MYO9B: variants seen among roughly 807,000 people sequenced by gnomAD.
MYO9B encodes the protein myosin IXB.
Under a neutral mutation model 229.5 loss-of-function variants are expected in MYO9B, and 71 were observed. That is an observed-to-expected ratio of 0.31 (90% confidence interval 0.26 to 0.38). The LOEUF is 0.38. MYO9B is among the 10% of genes least tolerant of loss of function. The pLI, the probability that MYO9B is intolerant of heterozygous loss-of-function variation, is 1.00. For synonymous variants in MYO9B, 1,185 were observed against 1,235.8 expected (o/e 0.96, Z 0.86); for missense variants, 2,255 against 2,920.5 (o/e 0.77, Z 5.25).
chr19:17,126,087 C>A (rs1307241384), intron 2 of MYO9B, among the ~76,000 whole-genome samples: 1 of 152,180 alleles, frequency 6.6e-6, no homozygotes, highest in East Asian at 1.9e-4. Context: ...CCCGACATGG[C>A]CCCCACTAAC....
intron 6 of MYO9B, among the ~76,000 whole-genome samples, chr19:17,154,787 C>T (rs933033954): frequency 2.4e-4 from 37 of 152,162 alleles, no homozygotes; most frequent in African/African-American, 8.9e-4. Context: ...ATAGTGAGAC[C>T]TCATCTCTAC....
chr19:17,188,002 T>A lies in MYO9B; in HGVS notation c.2645T>A (p.Val882Glu). 6.2e-7 allele frequency: 1 copy of A among 1,601,916 alleles called. No individual in the cohort carries two copies. The highest frequency in any genetic ancestry group is 8.5e-7 in the Non-Finnish European group (1 of 1,174,494). Residue 882 changes from valine (V) to glutamate (E), a missense_variant, in exon 19 of 40, where the codon GTG becomes GAG. Val to Glu is a moderately radical substitution (Grantham distance 121). Around this residue, in one of 7 missense-constraint regions of MYO9B, gnomAD observed 68 missense variants for 133.5 expected, o/e 0.51. Coordinates refer to ENST00000682292, the MANE Select transcript of MYO9B (RefSeq NM_004145.4). ...CGCTACACCGGCATGCTGGAGACCG[T>A]GCGCATCCGGAGGTCAGGGTACAGC... is the stretch of plus-strand genomic sequence containing the variant. ...QLRYTGMLET[V>E]RIRRSGYSAK... is the part of the protein sequence containing the mutation.
rs759339112 is a variant in MYO9B, at chr19:17,209,690, C to G, written c.5729C>G (p.Ser1910Trp). 38 of 1,613,474 alleles carry G rather than the reference C, an allele frequency of 2.4e-5. No homozygotes were observed. The highest frequency in any genetic ancestry group is 3.3e-5 in the Admixed American group (2 of 59,932). ...AAESIAFRRL[S>W]LLRQNAPWPL... is the part of the protein sequence containing the mutation. ...GAGAGTATCGCCTTCCGCAGGCTTTCGCTCCTGCGACAAAATGCTGTGAGT... is the reference window on the plus strand; with the variant it reads ...GAGAGTATCGCCTTCCGCAGGCTTTGGCTCCTGCGACAAAATGCTGTGAGT... Residue 1910 changes from serine to tryptophan, a missense_variant, in exon 36 of 40, where the codon TCG becomes TGG. Coordinates refer to ENST00000682292, the MANE Select transcript of MYO9B (RefSeq NM_004145.4).
chr19:17,078,537 C>G (rs2057506873), intron 1 of MYO9B, among the ~76,000 whole-genome samples: 2 of 151,584 alleles, frequency 1.3e-5, no homozygotes, highest in South Asian at 4.2e-4. Flanking sequence ...AAGATGCCCT[C>G]AAAAATAATA....
chr19:17,175,896 A>G (rs911087014), intron 14 of MYO9B, among the ~76,000 whole-genome samples, 155 bp downstream of exon 14: 36 of 147,084 alleles, frequency 2.4e-4, no homozygotes, highest in African/African-American at 8.9e-4. Flanking sequence ...GCAATGGCGC[A>G]ATCTCGGCTC....
chr19:17,120,764 C>T (rs1040215590), intron 2 of MYO9B, among the ~76,000 whole-genome samples: 7 of 151,864 alleles, frequency 4.6e-5, no homozygotes, highest in African/African-American at 1.7e-4. Context: ...TTTGTGGCGG[C>T]AGCTCTTGGA....
intron 8 of MYO9B, among the ~76,000 whole-genome samples, chr19:17,160,536 G>A (rs1172125595): frequency 7.3e-6 from 1 of 137,470 alleles, no homozygotes; most frequent in African/African-American, 2.8e-5. Flanking sequence ...TTGAGATAGC[G>A]TCTCACTGTT....
In MYO9B at chr19:17,184,860, C is replaced by G; in HGVS notation, c.2374-5C>G. ...GGCAGGCCGGACCCCATGTGTCTGT[C>G]CTAGAACCTACTGGACTCCAAGTCC... On this transcript the variant is annotated splice_polypyrimidine_tract_variant and splice_region_variant and intron_variant, in intron 16 of 39. Transcript: ENST00000682292. 6.2e-7 allele frequency: 1 copy of G among 1,613,740 alleles called. No individual in the cohort carries two copies.
chr19:17,194,631 T>A lies in MYO9B; in HGVS notation c.3204T>A (p.Gly1068=), dbSNP rs1064305. The A allele has an allele frequency of 6.2e-7, 1 of 1,612,374 alleles. No homozygotes were observed. Among genetic ancestry groups the A allele is most frequent in the Non-Finnish European group, 8.5e-7 (1 of 1,179,658 alleles). ...AAGCCCTGGAAGCCGCAAGAGCAGG[T>A]GCTGAGGAGGGCGGACAGGGTCAGG... ...EREALEAARA[G]AEEGGQGQAA... Residue 1068 remains glycine (G), a synonymous_variant, in exon 22 of 40, where the codon GGT becomes GGA. Coordinates refer to ENST00000682292, the MANE Select transcript of MYO9B (RefSeq NM_004145.4).
chr19:17,144,767 G>C (rs1466391006), intron 2 of MYO9B, among the ~76,000 whole-genome samples: 1 of 151,112 alleles, frequency 6.6e-6, no homozygotes, highest in African/African-American at 2.4e-5. Flanking sequence ...TCAGGAGTTC[G>C]AGACCAGACT....
Position 17,083,026 on chromosome 19 carries a change from CTT to C in MYO9B, c.-59+7173_-59+7174del, listed in dbSNP as rs71334657. Among the ~76,000 whole-genome samples, 350 of 90,890 alleles carry C rather than the reference CTT, an allele frequency of 3.9e-3. 1 individual carries two copies. The highest frequency in any genetic ancestry group is 0.014 in the African/African-American group (326 of 22,614). 59.6% of individuals were successfully genotyped at this position (90,890 alleles called of 152,430 possible). A position where few individuals can be genotyped will look rare whatever the true frequency, so the allele number is the denominator to read the frequency against. Reference sequence around the variant, plus strand: ...GGAGGCTGAAAGTGTGTGAATCTTGCTTTTTTTTTTTTTTTTTTTTTTGAGAC... The same window carrying C: ...GGAGGCTGAAAGTGTGTGAATCTTGCTTTTTTTTTTTTTTTTTTTTGAGAC... On this transcript the variant is annotated intron_variant, in intron 1 of 39. Coordinates refer to ENST00000682292, the MANE Select transcript of MYO9B (RefSeq NM_004145.4).
intron 2 of MYO9B, among the ~76,000 whole-genome samples, chr19:17,122,137 T>C (rs940493669): frequency 6.6e-6 from 1 of 152,228 alleles, no homozygotes; most frequent in African/African-American, 2.4e-5. Context: ...CCCTCTCAGC[T>C]TAGCCTAAGG....
At chr19:17,154,950 T>TA (rs2072521191) in intron 6 of MYO9B, among the ~76,000 whole-genome samples, 2 of 151,580 alleles carry the variant, frequency 1.3e-5, no homozygotes, top group African/African-American at 4.9e-5. Context: ...CCACTCTGGG[T>TA]GACAGAGCGA....
chr19:17,198,240 G>A lies in MYO9B; in HGVS notation c.4170G>A (p.Lys1390=), dbSNP rs773317271. The A allele has an allele frequency of 1.5e-5, 25 of 1,613,832 alleles. 2 individuals are homozygous for A. In the South Asian group the frequency reaches 2.7e-4, roughly 18 times the overall value. The change falls in exon 24 of 40, where the codon AAG becomes AAA. Residue 1390 remains lysine, a synonymous_variant. Coordinates refer to ENST00000682292, the MANE Select transcript of MYO9B (RefSeq NM_004145.4). ...GTGCGAAAAAGCCAGCTGTCCAGAA[G>A]AAGAAGCCAGGCGACGCATCCTCCC... ...ERSAKKPAVQ[K]KKPGDASSLP... is the part of the protein sequence containing the mutation.
chr19:17,184,078 GCA>G, intron 16 of MYO9B: 1 of 586,514 alleles, frequency 1.7e-6, no homozygotes, highest in South Asian at 2.1e-5. Flanking sequence ...TGGGGTATTT[GCA>G]CACACAGCGG....
intron 2 of MYO9B, among the ~76,000 whole-genome samples, chr19:17,122,838 G>A (rs1186981555): frequency 6.6e-6 from 1 of 152,246 alleles, no homozygotes; most frequent in African/African-American, 2.4e-5. Flanking sequence ...GCTCATGCCT[G>A]TAATCCCAAC....
chr19:17,183,248 G>C (rs993092747), intron 15 of MYO9B, among the ~76,000 whole-genome samples: 5 of 152,094 alleles, frequency 3.3e-5, no homozygotes, highest in Non-Finnish European at 7.4e-5. Flanking sequence ...TTTCCCACCA[G>C]CATGATCCTG....
At chr19:17,132,746 T>G (rs2072217391) in intron 2 of MYO9B, among the ~76,000 whole-genome samples, 1 of 149,394 alleles carries the variant, frequency 6.7e-6, no homozygotes, top group African/African-American at 2.5e-5. Context: ...CAGGCTGGTC[T>G]TGAACTCCTG....
At chr19:17,119,179 T>C (rs1399674773) in intron 2 of MYO9B, among the ~76,000 whole-genome samples, 1 of 152,242 alleles carries the variant, frequency 6.6e-6, no homozygotes, top group Admixed American at 6.5e-5. Flanking sequence ...TTGCATGTGC[T>C]GTGCCCTCAA....
Sources: allele counts gnomAD v4.1 joint callset (sites outside exome capture counted in the v4.1 genomes callset), GRCh38; gene constraint gnomAD v4.1.1; regional missense constraint gnomAD v4.1.1; transcripts MANE v1.5; gene names NCBI Gene and HGNC (gene_info 2026-07-23, HGNC 2026-07-21).